Variants in CPM observed in about 807,000 individuals in gnomAD.
CPM encodes renal carboxypeptidase.
A neutral mutation model predicts 46.4 loss-of-function variants in CPM; 35 were observed. The observed-to-expected ratio is 0.75, with a 90% CI of 0.58 to 1.00. The LOEUF (loss-of-function observed/expected upper bound fraction) is 1.00. CPM is among the 50% of genes least tolerant of loss of function. CPM has a pLI of 0.00. For synonymous variants in CPM, 195 were observed against 195.3 expected (o/e 1.00, Z 0.01); for missense variants, 422 against 530.4 (o/e 0.80, Z 2.01).
In CPM at chr12:68,842,276, C is replaced by CA. The variant is rs1208089479; in HGVS notation, c.586dup (p.Leu196PhefsTer8). 1 of 496,582 alleles carries CA rather than the reference C, an allele frequency of 2.0e-6. No homozygotes were observed. The highest frequency in any genetic ancestry group is 4.7e-5 in the East Asian group (1 of 21,374). 30.8% of individuals were successfully genotyped at this position (496,582 alleles called of 1,614,324 possible). On this transcript the variant is annotated frameshift_variant, in exon 6 of 6. Transcript: ENST00000551897. LOFTEE classifies it high-confidence loss of function. ...AAGGACTACGGAAAGTTCAGGACAT[C>CA]AAAGAAGTCAGGCAAAACTCATCTT... is the stretch of plus-strand genomic sequence containing the variant.
At chr12:68,935,175 G>T (rs1262511229), upstream of CPM, among the ~76,000 whole-genome samples, 1 of 152,056 alleles carries the variant, frequency 6.6e-6, no homozygotes, top group Non-Finnish European at 1.5e-5. Context: ...CTCCCAGATC[G>T]CTGGGATTAC....
At chr12:68,920,497 G>A (rs1016142979) in intron 2 of CPM, among the ~76,000 whole-genome samples, 2 of 152,080 alleles carry the variant, frequency 1.3e-5, no homozygotes, top group Admixed American at 6.6e-5. Context: ...AAATTAAGGT[G>A]AAACTACCTT....
intron 3 of CPM, among the ~76,000 whole-genome samples, chr12:68,875,699 G>A (rs551352068): frequency 3.6e-4 from 55 of 151,124 alleles, no homozygotes; most frequent in Non-Finnish European, 7.1e-4. Context: ...CCAGCTACTC[G>A]GGAGGCTGAG....
intron 5 of CPM, chr12:68,845,014 C>T (rs1884157529): frequency 2.0e-5 from 4 of 197,244 alleles, no homozygotes; most frequent in Middle Eastern, 1.8e-3. Flanking sequence ...GTGATCTGCC[C>T]GCCTTGGCCC....
At chr12:68,925,122 A>G (rs1888205332) in intron 2 of CPM, among the ~76,000 whole-genome samples, 1 of 152,224 alleles carries the variant, frequency 6.6e-6, no homozygotes, top group Non-Finnish European at 1.5e-5. Flanking sequence ...CACTAATGAC[A>G]GTATTGATTT....
chr12:68,949,397 A>G (rs930738282), intron 1 of CPM, among the ~76,000 whole-genome samples: 1 of 152,200 alleles, frequency 6.6e-6, no homozygotes, highest in Non-Finnish European at 1.5e-5. Context: ...ATTAAAAAGT[A>G]CAGATTCTGG....
At chr12:68,880,690 T>C (rs1886150851) in intron 3 of CPM, among the ~76,000 whole-genome samples, 1 of 152,208 alleles carries the variant, frequency 6.6e-6, no homozygotes, top group Admixed American at 6.5e-5. Context: ...TGACCAAGCA[T>C]AAACCTGGGC....
At chr12:68,913,042 T>C (rs987925874) in intron 2 of CPM, among the ~76,000 whole-genome samples, 1 of 152,152 alleles carries the variant, frequency 6.6e-6, no homozygotes, top group Non-Finnish European at 1.5e-5. Context: ...CAGGGTCAAG[T>C]GTCCCTACAC....
intron 2 of CPM, among the ~76,000 whole-genome samples, chr12:68,888,923 C>G (rs1327407549): frequency 6.6e-6 from 1 of 152,180 alleles, no homozygotes; most frequent in Non-Finnish European, 1.5e-5. Flanking sequence ...ACAAGTGCTA[C>G]AAAATACTAC....
At chr12:68,918,342 G>A (rs1887896076) in intron 2 of CPM, among the ~76,000 whole-genome samples, 1 of 151,984 alleles carries the variant, frequency 6.6e-6, no homozygotes, top group Non-Finnish European at 1.5e-5. Flanking sequence ...CTATGTTGAT[G>A]ACTCCCAACT....
intron 1 of CPM, among the ~76,000 whole-genome samples, chr12:68,939,083 T>C (rs1451637568): frequency 6.8e-6 from 1 of 146,584 alleles, no homozygotes; most frequent in East Asian, 2.0e-4. Context: ...TATATATGTA[T>C]ACACATATGT....
At chr12:68,847,187 G>A (rs1241660726), downstream of CPM, 1 of 60,910 alleles carries the variant, frequency 1.6e-5, no homozygotes, top group Non-Finnish European at 3.3e-5. Context: ...GTATGTATGT[G>A]TGTGTACATT....
chr12:68,904,082 G>C (rs1887236170), intron 2 of CPM, among the ~76,000 whole-genome samples: 1 of 152,100 alleles, frequency 6.6e-6, no homozygotes, highest in Non-Finnish European at 1.5e-5. Flanking sequence ...GTCTCACTTT[G>C]TTGCCCAGGC....
At chr12:68,957,462 A>C (rs1388833437) in intron 1 of CPM, 1 of 269,752 alleles carries the variant, frequency 3.7e-6, no homozygotes, top group Non-Finnish European at 7.4e-6. Flanking sequence ...TGTGCTGGCA[A>C]AAGTTTCCAA....
In CPM at chr12:68,870,287, T is replaced by C; in HGVS notation, c.544A>G (p.Thr182Ala). Residue 182 changes from threonine (T) to alanine (A), a missense_variant, in exon 5 of 9, where the codon ACG becomes GCG. By Grantham distance (58) the Thr-to-Ala change is moderately conservative. Coordinates refer to ENST00000551568, the MANE Select transcript of CPM (RefSeq NM_198320.5). ...TGGAGGTTTGCAGAGAGGACAAACGTCTCTGTTTTCAGCCACTTCATGACT... is the reference window on the plus strand; with the variant it reads ...TGGAGGTTTGCAGAGAGGACAAACGCCTCTGTTTTCAGCCACTTCATGACT... Reference protein sequence around the residue: ...VAVMKWLKTETFVLSANLHGG... With the variant: ...VAVMKWLKTEAFVLSANLHGG... 6.2e-7 allele frequency: 1 copy of C among 1,614,220 alleles called. No homozygotes were observed. The highest frequency in any genetic ancestry group is 8.5e-7 in the Non-Finnish European group (1 of 1,180,032).
intron 2 of CPM, among the ~76,000 whole-genome samples, chr12:68,916,196 T>C (rs1887796287): frequency 6.6e-6 from 1 of 152,200 alleles, no homozygotes; most frequent in Non-Finnish European, 1.5e-5. Flanking sequence ...CTTAATACTC[T>C]GGCATTTCTC....
At chr12:68,937,046 T>A (rs1012531394), upstream of CPM, among the ~76,000 whole-genome samples, 1 of 152,230 alleles carries the variant, frequency 6.6e-6, no homozygotes, top group Non-Finnish European at 1.5e-5. Flanking sequence ...TGACAATACC[T>A]GGAAGTAGAC....
intron 2 of CPM, among the ~76,000 whole-genome samples, chr12:68,887,406 G>A (rs1484260135): frequency 6.6e-6 from 1 of 152,286 alleles, no homozygotes; most frequent in East Asian, 1.9e-4. Context: ...GGAGCATGCA[G>A]TTGCCATCAG....
At chr12:68,921,569 T>C (rs544521737) in intron 2 of CPM, among the ~76,000 whole-genome samples, 1 of 152,294 alleles carries the variant, frequency 6.6e-6, no homozygotes, top group East Asian at 1.9e-4. Context: ...TAGACCCATT[T>C]TAGGCTAGCC....
Sources: gnomAD v4.1 joint callset for allele counts (sites outside exome capture counted in the v4.1 genomes callset) on GRCh38, gnomAD v4.1.1 for gene constraint, MANE v1.5 for transcripts, NCBI Gene and HGNC (gene_info 2026-07-23, HGNC 2026-07-21) for gene names.